ZNF175: variants seen among roughly 807,000 people sequenced by gnomAD.
The protein encoded by ZNF175 is zinc finger protein 175.
A neutral mutation model predicts 14.0 loss-of-function variants in ZNF175; 8 were observed. The ratio of observed to expected loss-of-function variants is 0.57; its 90% CI spans 0.34 to 1.03. The LOEUF (loss-of-function observed/expected upper bound fraction) is 1.03, where lower values mean the gene tolerates loss of function less well. Among genes scored for constraint, ZNF175 ranks in the 50% least tolerant of loss-of-function variants. The pLI is 0.03. For missense variants in ZNF175, 764 were observed against 849.5 expected, an observed-to-expected ratio of 0.90 and a Z score of 1.25; for synonymous variants, 255 against 296.8, an observed-to-expected ratio of 0.86 and a Z score of 1.45.
chr19:51,576,145 T>A (rs977482592), intron 2 of ZNF175, among the ~76,000 whole-genome samples: 1 of 122,532 alleles, frequency 8.2e-6, no homozygotes, highest in Non-Finnish European at 1.7e-5. Context: ...GGACAGTTTT[T>A]TTTTTTGTTT....
In ZNF175 at chr19:51,588,783, G is replaced by A; in HGVS notation, c.*316G>A. 2.5e-6 allele frequency: 1 copy of A among 405,524 alleles called. No homozygotes were observed. The highest frequency in any genetic ancestry group is 4.3e-6 in the Non-Finnish European group (1 of 230,168). The allele number at this position is 405,524 out of a possible 1,614,324, so 25.1% of individuals were successfully genotyped here. A position where few individuals can be genotyped will look rare whatever the true frequency, so the allele number is the denominator to read the frequency against. ...TTCTGTAAAGAATGGTACAAGACAG[G>A]TTGTTACTCGATTATTTATAGTAAA... On this transcript the variant is annotated 3_prime_UTR_variant, in exon 5 of 5. Transcript: ENST00000262259.
intron 3 of ZNF175, 129 bp from the exon 4 acceptor site, chr19:51,581,658 A>G: frequency 6.6e-7 from 1 of 1,510,522 alleles, no homozygotes; most frequent in Non-Finnish European, 8.8e-7. Flanking sequence ...TCTTTTGGGC[A>G]CCTTCTAGTA....
In ZNF175 at chr19:51,587,227, G is replaced by T; in HGVS notation, c.896G>T (p.Arg299Ile). 6.2e-7 allele frequency: 1 copy of T among 1,614,166 alleles called. No homozygotes were observed. The highest frequency in any genetic ancestry group is 8.5e-7 in the Non-Finnish European group (1 of 1,180,032). The change falls in exon 5 of 5, where the codon AGA (arginine) becomes ATA (isoleucine). Residue 299 changes from arginine to isoleucine, a missense_variant. By Grantham distance (97) the Arg-to-Ile change is moderately conservative. Transcript: ENST00000262259. ...AAGTCACACCTCTTTGCCCAACAGA[G>T]AATTCATAGTGTAGGAAACCTCCAT... ...TQKSHLFAQQRIHSVGNLHEC... is the reference protein window; with the variant it reads ...TQKSHLFAQQIIHSVGNLHEC...
chr19:51,573,309 G>A lies in ZNF175; in HGVS notation c.-21G>A. The A allele has an allele frequency of 3.1e-6, 5 of 1,612,616 alleles. No homozygotes were observed. Among genetic ancestry groups the A allele is most frequent in the Non-Finnish European group, 4.2e-6 (5 of 1,179,388 alleles). ...TGGAGTTGTCAGCAAGAGAGACCGA[G>A]AGTAGAAGCCCAGAGTGGAGATGCC... On this transcript the variant is annotated 5_prime_UTR_variant, in exon 2 of 5. Transcript: ENST00000262259.
In ZNF175 at chr19:51,582,007, C is replaced by CT. The variant is rs149902349; in HGVS notation, c.295+125_295+126insT. On this transcript the variant is annotated intron_variant, in intron 4 of 4. Transcript: ENST00000262259. ...GTAGATTGCCTCCTACTCCCAGTTT[C>CT]CCATCAAACACTGTAAATGTGCTAT... 4,160 of 825,104 alleles carry CT rather than the reference C, an allele frequency of 5.0e-3. 167 individuals are homozygous for CT. The East Asian group carries it at 0.086, about 17-fold the overall frequency. 51.1% of individuals were successfully genotyped at this position (825,104 alleles called of 1,614,324 possible).
At chr19:51,582,296 T>G (rs181606673) in intron 4 of ZNF175, among the ~76,000 whole-genome samples, 74 of 152,128 alleles carry the variant, frequency 4.9e-4, no homozygotes, top group Non-Finnish European at 7.6e-4. Flanking sequence ...TTTTTTTTTG[T>G]TTTTGGTTTT....
chr19:51,581,437 A>G lies in ZNF175; in HGVS notation c.119A>G (p.Glu40Gly), dbSNP rs746669166. 7 of 1,613,946 alleles carry G rather than the reference A, an allele frequency of 4.3e-6. No individual in the cohort carries two copies. The highest frequency in any genetic ancestry group is 5.9e-6 in the Non-Finnish European group (7 of 1,180,030). Residue 40 changes from glutamate to glycine, a missense_variant, in exon 3 of 5, where the codon GAG becomes GGG. By Grantham distance (98) the Glu-to-Gly change is moderately conservative. Coordinates refer to ENST00000262259, the MANE Select transcript of ZNF175 (RefSeq NM_007147.4). Reference protein sequence around the residue: ...EDVTVDFSREEWQQLDPAQRC... With the variant: ...EDVTVDFSREGWQQLDPAQRC... ...GTGACCGTGGACTTCAGCAGGGAGGAGTGGCAGCAACTGGACCCTGCCCAG... is the reference window on the plus strand; with the variant it reads ...GTGACCGTGGACTTCAGCAGGGAGGGGTGGCAGCAACTGGACCCTGCCCAG...
At chr19:51,580,321 G>T (rs1210975289) in intron 2 of ZNF175, among the ~76,000 whole-genome samples, 1 of 151,932 alleles carries the variant, frequency 6.6e-6, no homozygotes, top group African/African-American at 2.4e-5. Flanking sequence ...TTAATATCTG[G>T]TTATCTCTCT....
In ZNF175 at chr19:51,573,183, T is replaced by C. The variant is rs1600077580; in HGVS notation, c.-147T>C. The C allele has an allele frequency of 2.6e-6, 2 of 764,858 alleles. No homozygotes were observed. The highest frequency in any genetic ancestry group is 2.4e-5 in the Admixed American group (1 of 42,020). The allele number at this position is 764,858 out of a possible 1,614,324, so 47.4% of individuals were successfully genotyped here. On this transcript the variant is annotated 5_prime_UTR_variant, in exon 2 of 5. Coordinates refer to ENST00000262259, the MANE Select transcript of ZNF175 (RefSeq NM_007147.4). Reference sequence around the variant, plus strand: ...AGAACCCCCAGGTCAGGCCACATCATTGAGGCTGCAGGATCTCTCTTCATA... The same window carrying C: ...AGAACCCCCAGGTCAGGCCACATCACTGAGGCTGCAGGATCTCTCTTCATA...
At chr19:51,578,882 C>A (rs1981899298) in intron 2 of ZNF175, among the ~76,000 whole-genome samples, 1 of 152,132 alleles carries the variant, frequency 6.6e-6, no homozygotes, top group Non-Finnish European at 1.5e-5. Flanking sequence ...TTTGGGAGGC[C>A]AAGGTGGGTG....
At chr19:51,586,105 A>C (rs1197643869) in intron 4 of ZNF175, among the ~76,000 whole-genome samples, 5 of 152,208 alleles carry the variant, frequency 3.3e-5, no homozygotes, top group Non-Finnish European at 7.3e-5. Context: ...TAAAGCAGGC[A>C]GATTGGTGAG....
rs772302441 is a variant in ZNF175, at chr19:51,587,802, GAT to G, written c.1475_1476del (p.Ile492ThrfsTer12). 3 of 1,613,964 alleles carry G rather than the reference GAT, an allele frequency of 1.9e-6. No individual in the cohort carries two copies. In the African/African-American group the frequency reaches 4.0e-5, roughly 22 times the overall value. On this transcript the variant is annotated frameshift_variant, in exon 5 of 5. Coordinates refer to ENST00000262259, the MANE Select transcript of ZNF175 (RefSeq NM_007147.4). LOFTEE classifies it low-confidence loss of function (END_TRUNC). ...ATCCTTCATTTCCAAGTCACAGCTT[GAT>G]ATACATCATCGAATTCATACAGGGG... The part of the protein sequence containing the change: ...GKSFISKSQL[D>X]IHHRIHTGEK...
rs1228678626 is a variant in ZNF175, at chr19:51,587,357, G to C, written c.1026G>C (p.Lys342Asn). ...DIPCICKECG[K>N]VFIQRSELLT... ...CCTGTATATGCAAGGAATGTGGGAAGGTCTTTATTCAGAGATCAGAATTGC... is the reference window on the plus strand; with the variant it reads ...CCTGTATATGCAAGGAATGTGGGAACGTCTTTATTCAGAGATCAGAATTGC... Residue 342 changes from lysine (K) to asparagine (N), a missense_variant, in exon 5 of 5, where the codon AAG (lysine) becomes AAC (asparagine). By Grantham distance (94) the Lys-to-Asn change is moderately conservative. Transcript: ENST00000262259. 2 of 1,614,100 alleles carry C rather than the reference G, an allele frequency of 1.2e-6. No individual in the cohort carries two copies. The highest frequency in any genetic ancestry group is 1.7e-5 in the Admixed American group (1 of 60,018).
At chr19:51,581,088 C>T (rs1981981162) in intron 2 of ZNF175, among the ~76,000 whole-genome samples, 1 of 151,970 alleles carries the variant, frequency 6.6e-6, no homozygotes, top group Non-Finnish European at 1.5e-5. Flanking sequence ...TACAGCCTCA[C>T]ATGTAGTTGC....
chr19:51,587,006 CGTT>C lies in ZNF175; in HGVS notation c.680_682del (p.Val227del). On this transcript the variant is annotated inframe_deletion, in exon 5 of 5. Transcript: ENST00000262259. ...GCAATGACACAGAACAGCTTGATGACGTTGTTGGGTCTGGTCAGCTATTCAGCC... is the reference window on the plus strand; with the variant it reads ...GCAATGACACAGAACAGCTTGATGACGTTGGGTCTGGTCAGCTATTCAGCC... 6.2e-7 allele frequency: 1 copy of C among 1,614,172 alleles called. No individual in the cohort carries two copies. The highest frequency in any genetic ancestry group is 8.5e-7 in the Non-Finnish European group (1 of 1,180,002).
chr19:51,579,156 G>A (rs768964776), intron 2 of ZNF175, among the ~76,000 whole-genome samples: 1 of 151,042 alleles, frequency 6.6e-6, no homozygotes, highest in Non-Finnish European at 1.5e-5. Context: ...GGGAGGCTGA[G>A]GCAGGAGAAT....
In ZNF175 at chr19:51,589,507, T is replaced by A. The variant is rs933568426; in HGVS notation, c.*1040T>A. ...TAAATGCATAAATGAGATTCTATAA[T>A]GTTTACTGATCTTTATATTACAGAT... On this transcript the variant is annotated 3_prime_UTR_variant, in exon 5 of 5. Coordinates refer to ENST00000262259, the MANE Select transcript of ZNF175 (RefSeq NM_007147.4). The A allele has an allele frequency of 2.0e-5, 14 of 698,550 alleles. No individual in the cohort carries two copies. The highest frequency in any genetic ancestry group is 3.4e-5 in the Non-Finnish European group (13 of 383,796). 43.3% of individuals were successfully genotyped at this position (698,550 alleles called of 1,614,324 possible). A position where few individuals can be genotyped will look rare whatever the true frequency, so the allele number is the denominator to read the frequency against.
chr19:51,582,652 CTTATCTG>C (rs1188790754), intron 4 of ZNF175, among the ~76,000 whole-genome samples: 1 of 152,194 alleles, frequency 6.6e-6, no homozygotes, highest in Non-Finnish European at 1.5e-5. Context: ...AGCCTCTCAT[CTTATCTG>C]TTATCTGATT....
At position 51,581,323 on chromosome 19, in the gene ZNF175, C is replaced by T. The variant is rs1382699249; in HGVS notation, c.73-68C>T. 3.0e-5 allele frequency: 49 copies of T among 1,611,498 alleles called. No individual in the cohort carries two copies. In the South Asian group the frequency reaches 3.4e-4, roughly 11 times the overall value. On this transcript the variant is annotated intron_variant, in intron 2 of 4. Transcript: ENST00000262259. ...TGAAAATCATTAAAAGCATGTTCCT[C>T]CTATATGTGCCATCCCCACTCGCCA...
Sources: gnomAD v4.1 joint callset for allele counts (sites outside exome capture counted in the v4.1 genomes callset) on GRCh38, gnomAD v4.1.1 for gene constraint, MANE v1.5 for transcripts, NCBI Gene and HGNC (gene_info 2026-07-23, HGNC 2026-07-21) for gene names.